Variants in DNER observed in about 807,000 individuals in gnomAD.
DNER encodes delta and Notch-like epidermal growth factor-related receptor.
A neutral mutation model predicts 78.2 loss-of-function variants in DNER; 33 were observed. The observed-to-expected ratio is 0.42, with a 90% CI of 0.32 to 0.56. The LOEUF is 0.56. DNER is among the 20% of genes least tolerant of loss of function. The pLI is 0.11. For missense variants in DNER, 918 were observed against 975.3 expected (o/e 0.94, Z 0.78); for synonymous variants, 417 against 384.8 (o/e 1.08, Z -0.98).
At chr2:229,642,339 T>A (rs139321450) in intron 1 of DNER, among the ~76,000 whole-genome samples, 1 of 152,172 alleles carries the variant, frequency 6.6e-6, no homozygotes, top group African/African-American at 2.4e-5. Flanking sequence ...TCTCTAATAA[T>A]GAGAAAGCCA....
chr2:229,617,450 C>G (rs778877192), intron 1 of DNER, among the ~76,000 whole-genome samples: 13 of 152,106 alleles, frequency 8.5e-5, no homozygotes, highest in Non-Finnish European at 1.6e-4. Context: ...TTAGATACAA[C>G]TGTTCTCAAT....
At chr2:229,544,830 G>A (rs2154213142) in intron 5 of DNER, among the ~76,000 whole-genome samples, 1 of 152,248 alleles carries the variant, frequency 6.6e-6, no homozygotes, top group East Asian at 1.9e-4. Flanking sequence ...CACTGCACCT[G>A]GCCGGAAAAT....
At chr2:229,588,332 C>T (rs768204229) in intron 3 of DNER, 62 bp downstream of exon 3, 400 of 1,522,408 alleles carry the variant, frequency 2.6e-4, no homozygotes, top group Non-Finnish European at 3.4e-4. Context: ...CGCGGATGGA[C>T]ACAACCCCAC....
At chr2:229,706,398 A>AT (rs1237452496) in intron 1 of DNER, among the ~76,000 whole-genome samples, 1 of 141,530 alleles carries the variant, frequency 7.1e-6, no homozygotes, top group Non-Finnish European at 1.5e-5. Context: ...TAAAAATACA[A>AT]AAAAAAAAAA....
At position 229,486,364 on chromosome 2, in the gene DNER, CA is replaced by C. The variant is rs35357754; in HGVS notation, c.1148-9112del. 4.9e-4 allele frequency among the ~76,000 whole-genome samples: 70 copies of C among 143,804 alleles called. 2 individuals carry two copies. Among genetic ancestry groups the C allele is most frequent in the African/African-American group, 1.3e-3 (51 of 38,958 alleles). 94.3% of individuals were successfully genotyped at this position (143,804 alleles called of 152,430 possible). On this transcript the variant is annotated intron_variant, in intron 6 of 12. Transcript: ENST00000341772. ...TAAAATATAATTAAATTGGAATATG[CA>C]AAAAAAAAAGCTTGACAGAAAGCTG...
At position 229,398,275 on chromosome 2, in the gene DNER, A is replaced by G. The variant is rs186577321; in HGVS notation, c.1723+8957T>C. ...AATTTAACAACTTAAAAAATGCACT[A>G]CTTCCTCAAAAAAAAATCACAACTC... is the stretch of plus-strand genomic sequence containing the variant. On this transcript the variant is annotated intron_variant, in intron 10 of 12. Coordinates refer to ENST00000341772, the MANE Select transcript of DNER (RefSeq NM_139072.4). 2.5e-3 allele frequency among the ~76,000 whole-genome samples: 376 copies of G among 152,194 alleles called. 2 individuals are homozygous for G. The highest frequency in any genetic ancestry group is 8.8e-3 in the African/African-American group (366 of 41,562).
intron 1 of DNER, among the ~76,000 whole-genome samples, chr2:229,603,843 C>T (rs549442261): frequency 1.3e-5 from 2 of 152,024 alleles, no homozygotes; most frequent in Non-Finnish European, 2.9e-5. Flanking sequence ...ACCATATACA[C>T]ATATCTGACA....
At chr2:229,552,100 A>C (rs13397425) in intron 4 of DNER, among the ~76,000 whole-genome samples, 3,599 of 152,282 alleles carry the variant, frequency 0.024, 150 homozygotes, top group African/African-American at 0.083. Context: ...ATCTTAAAAA[A>C]TTTTGAACCA....
chr2:229,423,144 A>C (rs768142794), intron 8 of DNER, among the ~76,000 whole-genome samples: 1 of 152,040 alleles, frequency 6.6e-6, no homozygotes, highest in Non-Finnish European at 1.5e-5. Context: ...AGGGTGGGAG[A>C]GGGCAAAGTT....
At chr2:229,369,124 C>T (rs1024993943) in intron 11 of DNER, among the ~76,000 whole-genome samples, 1 of 152,060 alleles carries the variant, frequency 6.6e-6, no homozygotes. Flanking sequence ...ACAACATATA[C>T]CCCATTGGCT....
At chr2:229,598,763 G>T (rs1697769850) in intron 1 of DNER, among the ~76,000 whole-genome samples, 1 of 152,140 alleles carries the variant, frequency 6.6e-6, no homozygotes, top group South Asian at 2.1e-4. Context: ...AGCCAGCTGA[G>T]CAAGCAGTGC....
chr2:229,501,432 T>TA (rs142378587), intron 6 of DNER, among the ~76,000 whole-genome samples: 5,510 of 148,856 alleles, frequency 0.037, 140 homozygotes, highest in Non-Finnish European at 0.058. Context: ...TACCCATAAC[T>TA]AAAAAAAAAA....
intron 1 of DNER, among the ~76,000 whole-genome samples, chr2:229,620,983 C>T (rs1220714041): frequency 1.3e-5 from 2 of 152,188 alleles, no homozygotes; most frequent in East Asian, 1.9e-4. Flanking sequence ...GACTCCCAGG[C>T]TCCAGCACTG....
At chr2:229,414,468 T>C (rs900682856) in intron 9 of DNER, among the ~76,000 whole-genome samples, 3 of 152,036 alleles carry the variant, frequency 2.0e-5, no homozygotes, top group Admixed American at 6.6e-5. Flanking sequence ...GATTTCACTG[T>C]CTGGTCTTGA....
intron 1 of DNER, among the ~76,000 whole-genome samples, chr2:229,626,483 A>C (rs1698347013): frequency 6.6e-6 from 1 of 152,224 alleles, no homozygotes; most frequent in Admixed American, 6.5e-5. Context: ...ACCATTATTC[A>C]AACATATTAC....
At chr2:229,418,644 T>C (rs1451362287) in intron 8 of DNER, among the ~76,000 whole-genome samples, 1 of 152,044 alleles carries the variant, frequency 6.6e-6, no homozygotes, top group Non-Finnish European at 1.5e-5. Flanking sequence ...TGGTGGCTCA[T>C]GCCACCACAA....
chr2:229,489,130 C>T (rs1695339875), intron 6 of DNER, among the ~76,000 whole-genome samples: 1 of 152,352 alleles, frequency 6.6e-6, no homozygotes, highest in South Asian at 2.1e-4. Flanking sequence ...CCCAGCTGGG[C>T]TTTGCGGTCA....
chr2:229,663,985 G>C (rs990644819), intron 1 of DNER, among the ~76,000 whole-genome samples: 1 of 152,062 alleles, frequency 6.6e-6, no homozygotes, highest in Admixed American at 6.5e-5. Context: ...CTGTATTCAG[G>C]ATGAATCTGA....
At chr2:229,671,606 C>T (rs1206784245) in intron 1 of DNER, among the ~76,000 whole-genome samples, 2 of 152,172 alleles carry the variant, frequency 1.3e-5, no homozygotes, top group Non-Finnish European at 2.9e-5. Context: ...CACCACAAAG[C>T]ACAGTGTCCA....
Sources: allele counts gnomAD v4.1 joint callset (sites outside exome capture counted in the v4.1 genomes callset), GRCh38; gene constraint gnomAD v4.1.1; transcripts MANE v1.5; gene names NCBI Gene and HGNC (gene_info 2026-07-23, HGNC 2026-07-21).